CNOT1: variants seen among roughly 807,000 people sequenced by gnomAD.
CNOT1 encodes CCR4-NOT transcription complex subunit 1.
A neutral mutation model predicts 273.8 loss-of-function variants in CNOT1; 15 were observed. That is an observed-to-expected ratio of 0.05 (90% CI 0.04 to 0.08). The LOEUF is 0.08. Ranked by LOEUF, CNOT1 falls within the 10% of genes least tolerant of loss-of-function variation. The pLI, the probability that CNOT1 is intolerant of heterozygous loss-of-function variation, is 1.00. For synonymous variants in CNOT1, 1,022 were observed against 1,005.5 expected (o/e 1.02, Z -0.31); for missense variants, 1,644 against 2,912.2 (o/e 0.56, Z 10.02).
At chr16:58,540,305 G>C (rs966271364) in intron 34 of CNOT1, among the ~76,000 whole-genome samples, 1 of 152,200 alleles carries the variant, frequency 6.6e-6, no homozygotes, top group African/African-American at 2.4e-5. Context: ...TCCTAAGAAA[G>C]TAAGTGTTTC....
intron 2 of CNOT1, among the ~76,000 whole-genome samples, chr16:58,591,909 T>C (rs1281255019): frequency 6.6e-6 from 1 of 152,110 alleles, no homozygotes; most frequent in Non-Finnish European, 1.5e-5. Flanking sequence ...CATATAATTT[T>C]CGAAATCTCT....
intron 25 of CNOT1, 138 bp downstream of exon 25, chr16:58,549,581 A>G: frequency 3.7e-6 from 5 of 1,362,944 alleles, no homozygotes; most frequent in Non-Finnish European, 4.8e-6. Context: ...TCCATATAAG[A>G]AACAAAATCT....
intron 7 of CNOT1, among the ~76,000 whole-genome samples, chr16:58,586,148 G>A (rs1160253352): frequency 7.0e-6 from 1 of 142,848 alleles, no homozygotes; most frequent in Non-Finnish European, 1.5e-5. Flanking sequence ...GCTAGGTATG[G>A]TGTCATGCTC....
intron 1 of CNOT1, among the ~76,000 whole-genome samples, chr16:58,608,637 A>T (rs1181986979): frequency 1.5e-5 from 2 of 130,590 alleles, no homozygotes; most frequent in Admixed American, 1.6e-4. Context: ...AGAAGAAAAG[A>T]AATTATTATA....
Position 58,585,482 on chromosome 16 carries a change from A to G in CNOT1, c.662T>C (p.Val221Ala), listed in dbSNP as rs766511982. 1 of 1,612,682 alleles carries G rather than the reference A, an allele frequency of 6.2e-7. No individual in the cohort carries two copies. The highest frequency in any genetic ancestry group is 1.1e-5 in the South Asian group (1 of 91,014). Reference sequence around the variant, plus strand: ...AGGGTATAAAAGTGGTGCGAGCACCACGGGACAGCGTTCTTGGGGAAAATC... The same window carrying G: ...AGGGTATAAAAGTGGTGCGAGCACCGCGGGACAGCGTTCTTGGGGAAAATC... ...RRDFPQERCP[V>A]VLAPLLYPEK... Residue 221 changes from valine (V) to alanine (A), a missense_variant, in exon 8 of 49, where the codon GTG (valine) becomes GCG (alanine). Val to Ala is a moderately conservative substitution (Grantham distance 64). This residue lies in a region of CNOT1 where 706 missense variants were observed against 1,021.2 expected (regional missense o/e 0.69). Coordinates refer to ENST00000317147, the MANE Select transcript of CNOT1 (RefSeq NM_016284.5).
chr16:58,590,243 A>G (rs1470482367), intron 2 of CNOT1, among the ~76,000 whole-genome samples: 1 of 152,202 alleles, frequency 6.6e-6, no homozygotes, highest in Admixed American at 6.5e-5. Flanking sequence ...GGGTTGACAT[A>G]TTTAAAACAG....
intron 12 of CNOT1, 141 bp from the exon 13 acceptor site, chr16:58,579,080 C>G: frequency 6.3e-6 from 9 of 1,428,996 alleles, no homozygotes; most frequent in Non-Finnish European, 8.3e-6. Flanking sequence ...GTCCACAGCA[C>G]TCTCTTTAAG....
chr16:58,539,653 C>T lies in CNOT1; in HGVS notation c.4992+115G>A, dbSNP rs573016619. 2.2e-5 allele frequency: 24 copies of T among 1,096,886 alleles called. No individual in the cohort carries two copies. In the African/African-American group the frequency reaches 3.4e-4, roughly 15 times the overall value. The allele number at this position is 1,096,886 out of a possible 1,614,324, so 67.9% of individuals were successfully genotyped here. On this transcript the variant is annotated intron_variant, in intron 35 of 48. Coordinates refer to ENST00000317147, the MANE Select transcript of CNOT1 (RefSeq NM_016284.5). ...AAAAAAAAATCACCTACTTACAGAA[C>T]TTGATTTATATTATGAAATCTTAAG...
Position 58,576,506 on chromosome 16 carries a change from T to C in CNOT1, c.1661A>G (p.Gln554Arg). The change falls in exon 14 of 49, where the codon CAG becomes CGG. Residue 554 changes from glutamine (Q) to arginine (R), a missense_variant. By Grantham distance (43) the Gln-to-Arg change is conservative. Around this residue, in one of 13 missense-constraint regions of CNOT1, gnomAD observed 706 missense variants for 1,021.2 expected, o/e 0.69. Transcript: ENST00000317147. ...EWYMRGEQYD[Q>R]AKLSRILDVA... ...ATCAAGTATTCGAGACAATTTGGCC[T>C]GATCATACTGCTCCCCTCTCATGTA... The C allele has an allele frequency of 6.2e-7, 1 of 1,614,218 alleles. No homozygotes were observed. Among genetic ancestry groups the C allele is most frequent in the Non-Finnish European group, 8.5e-7 (1 of 1,180,034 alleles).
At chr16:58,593,305 ATCC>A (rs2042128865) in intron 2 of CNOT1, among the ~76,000 whole-genome samples, 1 of 152,082 alleles carries the variant, frequency 6.6e-6, no homozygotes, top group African/African-American at 2.4e-5. Context: ...CACACCTGTA[ATCC>A]CAGCACTTTG....
intron 10 of CNOT1, 69 bp from the exon 11 acceptor site, chr16:58,581,584 C>T: frequency 1.4e-6 from 2 of 1,449,398 alleles, no homozygotes; most frequent in South Asian, 1.6e-5. Context: ...TCCAAAAGGC[C>T]AAATTAAATC....
intron 46 of CNOT1, among the ~76,000 whole-genome samples, chr16:58,524,896 A>G (rs1325974932): frequency 6.6e-6 from 1 of 152,220 alleles, no homozygotes; most frequent in East Asian, 1.9e-4. Flanking sequence ...GCTATGTTTA[A>G]AGGGACTTTA....
chr16:58,531,186 A>G (rs1289329549), intron 42 of CNOT1, among the ~76,000 whole-genome samples: 1 of 152,200 alleles, frequency 6.6e-6, no homozygotes, highest in African/African-American at 2.4e-5. Flanking sequence ...ATTGCATTTA[A>G]TATGTTGTGT....
chr16:58,549,882 T>G lies in CNOT1; in HGVS notation c.3359A>C (p.Glu1120Ala), dbSNP rs995100569. Residue 1120 changes from glutamate (E) to alanine (A), a missense_variant, in exon 25 of 49, where the codon GAA (glutamate) becomes GCA (alanine). This residue lies in a region of CNOT1 where 124 missense variants were observed against 289.3 expected (regional missense o/e 0.43). Coordinates refer to ENST00000317147, the MANE Select transcript of CNOT1 (RefSeq NM_016284.5). The stretch of plus-strand genomic sequence containing the variant: ...AGGCATAAATTCTTCTTTCACCGTT[T>G]CCTTTAGCTCTTCAACCTAGCCGGT... ...NMTQKVEELKETVKEEFMPWV... is the reference protein window; with the variant it reads ...NMTQKVEELKATVKEEFMPWV... 6.2e-7 allele frequency: 1 copy of G among 1,613,978 alleles called. No homozygotes were observed. Among genetic ancestry groups the G allele is most frequent in the Non-Finnish European group, 8.5e-7 (1 of 1,179,956 alleles).
In CNOT1 at chr16:58,520,943, G is replaced by A; in HGVS notation, c.*15C>T. On this transcript the variant is annotated 3_prime_UTR_variant, in exon 49 of 49. Transcript: ENST00000317147. ...GACCTCTAGACTGACACGTACAACA[G>A]AGATGCAGTTTCGTCTAACTGGCAC... 1 of 1,611,684 alleles carries A rather than the reference G, an allele frequency of 6.2e-7. No individual in the cohort carries two copies. Among genetic ancestry groups the A allele is most frequent in the Non-Finnish European group, 8.5e-7 (1 of 1,179,608 alleles).
At chr16:58,525,130 G>A (rs1262762152) in intron 46 of CNOT1, 49 bp downstream of exon 46, 1 of 1,558,186 alleles carries the variant, frequency 6.4e-7, no homozygotes, top group East Asian at 2.2e-5. Flanking sequence ...TCAGATTGTA[G>A]CAAAAAGCAC....
chr16:58,618,851 G>T (rs1408480831), intron 1 of CNOT1, among the ~76,000 whole-genome samples: 1 of 152,016 alleles, frequency 6.6e-6, no homozygotes, highest in Non-Finnish European at 1.5e-5. Context: ...TCAATAACTT[G>T]TAACATTTAA....
intron 34 of CNOT1, 187 bp from the exon 35 acceptor site, chr16:58,540,146 G>T: frequency 1.9e-6 from 1 of 525,620 alleles, no homozygotes; most frequent in Non-Finnish European, 3.2e-6. Flanking sequence ...AAGTGGCACA[G>T]TACAAGGCAG....
chr16:58,546,901 CAT>C (rs2040275102), intron 27 of CNOT1, 152 bp from the exon 28 acceptor site: 1 of 1,019,864 alleles, frequency 9.8e-7, no homozygotes, highest in Non-Finnish European at 1.4e-6. Flanking sequence ...AACAGTTAAA[CAT>C]AGTTAAACAC....
Sources: allele counts gnomAD v4.1 joint callset (sites outside exome capture counted in the v4.1 genomes callset), GRCh38; gene constraint gnomAD v4.1.1; regional missense constraint gnomAD v4.1.1; transcripts MANE v1.5; gene names NCBI Gene and HGNC (gene_info 2026-07-23, HGNC 2026-07-21).